The following LRP1B variants were observed in gnomAD, a reference collection of about 807,000 sequenced individuals.
LRP1B encodes low-density lipoprotein receptor-related protein 1B.
In LRP1B, 217 loss-of-function variants were observed where a neutral mutation model predicts 556.6. The observed-to-expected ratio is 0.39, with a 90% CI of 0.35 to 0.44. The LOEUF (loss-of-function observed/expected upper bound fraction) is 0.44. Among genes scored for constraint, LRP1B ranks in the 20% least tolerant of loss-of-function variants. The pLI is 1.00. For missense variants in LRP1B, 5,053 were observed against 5,620.8 expected (o/e 0.90, Z 3.23); for synonymous variants, 2,047 against 1,865.8 (o/e 1.10, Z -2.50).
chr2:140,918,166 T>C (rs1053963057), intron 21 of LRP1B, among the ~76,000 whole-genome samples: 6 of 148,790 alleles, frequency 4.0e-5, no homozygotes, highest in African/African-American at 1.5e-4. Flanking sequence ...TTAAAAATCA[T>C]TCTGCTGTAG....
At chr2:140,402,371 T>C (rs74796956) in intron 66 of LRP1B, among the ~76,000 whole-genome samples, 3,098 of 152,252 alleles carry the variant, frequency 0.02, 34 homozygotes, top group African/African-American at 0.028. Context: ...GGATCTCTTT[T>C]CTTCCCTTGT....
intron 71 of LRP1B, among the ~76,000 whole-genome samples, chr2:140,370,192 CA>C (rs750276409): frequency 2.6e-5 from 4 of 151,714 alleles, no homozygotes; most frequent in Middle Eastern, 3.4e-3. Flanking sequence ...TTTAGACTGA[CA>C]AAAAAATGTA....
intron 6 of LRP1B, among the ~76,000 whole-genome samples, chr2:141,221,413 G>A (rs1683035895): frequency 6.6e-6 from 1 of 151,890 alleles, no homozygotes; most frequent in Non-Finnish European, 1.5e-5. Flanking sequence ...CATAAAACAA[G>A]TTCTTAGAGA....
At chr2:141,756,009 G>A (rs1256553496) in intron 2 of LRP1B, among the ~76,000 whole-genome samples, 1 of 151,874 alleles carries the variant, frequency 6.6e-6, no homozygotes, top group East Asian at 1.9e-4. Flanking sequence ...AACAAAAGTA[G>A]ACGTATATGA....
chr2:141,207,045 G>A (rs777003113), intron 6 of LRP1B, among the ~76,000 whole-genome samples: 48 of 152,138 alleles, frequency 3.2e-4, no homozygotes, highest in Admixed American at 7.9e-4. Flanking sequence ...GTAGTAGTGG[G>A]TTCTTGATTT....
intron 1 of LRP1B, among the ~76,000 whole-genome samples, chr2:141,877,247 G>A (rs186554561): frequency 6.6e-6 from 1 of 151,808 alleles, no homozygotes; most frequent in African/African-American, 2.4e-5. Context: ...AACAGCATTT[G>A]TTTTCATTAC....
chr2:140,610,814 G>A (rs914912104), intron 41 of LRP1B, among the ~76,000 whole-genome samples: 8 of 152,206 alleles, frequency 5.3e-5, no homozygotes, highest in South Asian at 2.1e-4. Flanking sequence ...CTCGCTCTCC[G>A]CCCGCCTCGG....
intron 2 of LRP1B, among the ~76,000 whole-genome samples, chr2:141,682,138 C>T (rs889091436): frequency 1.6e-4 from 24 of 151,924 alleles, no homozygotes; most frequent in African/African-American, 5.6e-4. Flanking sequence ...CACTGGATGT[C>T]CCTTTGAGTT....
intron 1 of LRP1B, among the ~76,000 whole-genome samples, chr2:142,113,525 G>A (rs1448653253): frequency 1.3e-5 from 2 of 149,084 alleles, no homozygotes; most frequent in Admixed American, 6.7e-5. Context: ...AGGAGAAAGT[G>A]GAAATGATCA....
intron 3 of LRP1B, among the ~76,000 whole-genome samples, chr2:141,390,902 C>A (rs184716434): frequency 1.3e-5 from 2 of 151,954 alleles, no homozygotes; most frequent in Non-Finnish European, 2.9e-5. Flanking sequence ...AATAATTTTA[C>A]GTTATGTAAA....
At chr2:141,060,329 T>A (rs1699301478) in intron 8 of LRP1B, among the ~76,000 whole-genome samples, 1 of 151,872 alleles carries the variant, frequency 6.6e-6, no homozygotes, top group South Asian at 2.1e-4. Context: ...CCCGAATAGT[T>A]TTTTTGTATG....
chr2:141,914,997 T>C (rs1370862256), intron 1 of LRP1B, among the ~76,000 whole-genome samples: 1 of 152,130 alleles, frequency 6.6e-6, no homozygotes, highest in Non-Finnish European at 1.5e-5. Flanking sequence ...TTAGATAAAC[T>C]AATCTAAAAT....
chr2:140,276,935 T>A (rs561863490), intron 84 of LRP1B, among the ~76,000 whole-genome samples: 12 of 151,944 alleles, frequency 7.9e-5, no homozygotes, highest in African/African-American at 2.7e-4. Flanking sequence ...ATGTAAGAAA[T>A]GATGATCTGG....
chr2:141,350,534 T>C (rs1339122000), intron 3 of LRP1B, among the ~76,000 whole-genome samples: 1 of 152,086 alleles, frequency 6.6e-6, no homozygotes, highest in Non-Finnish European at 1.5e-5. Context: ...TAAGGCATCC[T>C]AATCTTTTCA....
intron 1 of LRP1B, among the ~76,000 whole-genome samples, chr2:142,082,601 A>G (rs1381097938): frequency 6.6e-6 from 1 of 152,130 alleles, no homozygotes; most frequent in African/African-American, 2.4e-5. Flanking sequence ...CTTGGAGTAT[A>G]GTTGTTAAGA....
At chr2:141,690,416 T>A (rs867366154) in intron 2 of LRP1B, among the ~76,000 whole-genome samples, 4,928 of 127,908 alleles carry the variant, frequency 0.039, 570 homozygotes, top group African/African-American at 0.13. Context: ...TATATATATA[T>A]ATATATATAT....
At chr2:141,506,074 A>T (rs1391824568) in intron 2 of LRP1B, among the ~76,000 whole-genome samples, 1 of 152,054 alleles carries the variant, frequency 6.6e-6, no homozygotes, top group Non-Finnish European at 1.5e-5. Context: ...TCATTAGACA[A>T]ACGAGAGGAG....
intron 2 of LRP1B, among the ~76,000 whole-genome samples, chr2:141,729,370 G>A (rs111819677): frequency 5.1e-4 from 77 of 152,146 alleles, no homozygotes; most frequent in African/African-American, 1.8e-3. Context: ...TCAACATCCT[G>A]GCTTAGGTAT....
chr2:140,576,148 A>C, intron 43 of LRP1B, among the ~76,000 whole-genome samples: 1 of 152,136 alleles, frequency 6.6e-6, no homozygotes, highest in East Asian at 1.9e-4. Flanking sequence ...ATATTATAAT[A>C]AAGAATTTAA....
Sources: allele counts gnomAD v4.1 joint callset (sites outside exome capture counted in the v4.1 genomes callset), GRCh38; gene constraint gnomAD v4.1.1; transcripts MANE v1.5; gene names NCBI Gene and HGNC (gene_info 2026-07-23, HGNC 2026-07-21).